Variants in WLS observed in about 807,000 individuals in gnomAD.
WLS encodes the protein Wnt ligand secretion mediator, also known as protein wntless homolog.
A neutral mutation model predicts 62.8 loss-of-function variants in WLS; 23 were observed. That is an observed-to-expected ratio of 0.37 (90% CI 0.26 to 0.52). The LOEUF is 0.52. Ranked by LOEUF, WLS falls within the 20% of genes least tolerant of loss-of-function variation. The probability of loss-of-function intolerance (pLI) is 0.92; values close to 1 mark genes in which losing one functional copy is unlikely to be tolerated. For missense variants in WLS, 615 were observed against 697.3 expected (o/e 0.88, Z 1.33); for synonymous variants, 246 against 244.1 (o/e 1.01, Z -0.07).
rs543077199 is a variant in WLS, at chr1:68,160,996, G to C, written c.380-1749C>G. 1.1e-3 allele frequency among the ~76,000 whole-genome samples: 165 copies of C among 152,294 alleles called. 6 individuals carry two copies. The South Asian group carries it at 0.033, about 31-fold the overall frequency. ...AATCTGACAAGTTACCATAAAAAGT[G>C]TTTCCTGAGACATAAGGAAATGCAA... On this transcript the variant is annotated intron_variant, in intron 2 of 11. Transcript: ENST00000262348.
Position 68,157,580 on chromosome 1 carries a change from CT to C in WLS, c.504+1542del, listed in dbSNP as rs11378232. Among the ~76,000 whole-genome samples the C allele has an allele frequency of 7.2e-3, 1,055 of 146,710 alleles. 10 individuals carry two copies. Among genetic ancestry groups the C allele is most frequent in the African/African-American group, 0.025 (1,014 of 40,154 alleles). On this transcript the variant is annotated intron_variant, in intron 3 of 11. Coordinates refer to ENST00000262348, the MANE Select transcript of WLS (RefSeq NM_024911.7). ...CAAATTACAGCAGGTGGCAACTTGA[CT>C]TTTTTTTTTTTAACTTCACAATCCA...
intron 3 of WLS, among the ~76,000 whole-genome samples, 162 bp downstream of exon 3, chr1:68,158,961 G>T (rs573901184): frequency 1.3e-5 from 2 of 152,148 alleles, no homozygotes; most frequent in Admixed American, 1.3e-4. Flanking sequence ...GTTAGGAAAG[G>T]CCCGTGGCAG....
chr1:68,167,669 G>A (rs1445386779), intron 2 of WLS, among the ~76,000 whole-genome samples: 1 of 152,140 alleles, frequency 6.6e-6, no homozygotes, highest in Non-Finnish European at 1.5e-5. Flanking sequence ...TGAAATCCAT[G>A]GTTTTCCATA....
intron 4 of WLS, among the ~76,000 whole-genome samples, chr1:68,154,440 A>G (rs1391286619): frequency 1.3e-5 from 2 of 152,256 alleles, no homozygotes; most frequent in Admixed American, 1.3e-4. Context: ...AAGTATATTT[A>G]TATTACATTC....
At chr1:68,229,195 ATTGT>A (rs1301287194) in intron 1 of WLS, among the ~76,000 whole-genome samples, 3 of 152,048 alleles carry the variant, frequency 2.0e-5, no homozygotes, top group African/African-American at 4.8e-5. Context: ...ACGGATTGTT[ATTGT>A]TTGGTGGGGT....
chr1:68,101,617 G>A (rs1023071154), intron 11 of WLS, among the ~76,000 whole-genome samples: 5 of 152,136 alleles, frequency 3.3e-5, no homozygotes, highest in African/African-American at 7.2e-5. Flanking sequence ...ATATGTCTAC[G>A]TTCACTGTCC....
chr1:68,226,221 T>A (rs1464534033), intron 1 of WLS, among the ~76,000 whole-genome samples: 1 of 152,160 alleles, frequency 6.6e-6, no homozygotes, highest in African/African-American at 2.4e-5. Flanking sequence ...AAAGTCAAGG[T>A]TTTGGGGAAA....
At chr1:68,144,164 C>T (rs1570882949) in intron 10 of WLS, among the ~76,000 whole-genome samples, 1 of 152,156 alleles carries the variant, frequency 6.6e-6, no homozygotes, top group South Asian at 2.1e-4. Flanking sequence ...TTTTGAATTA[C>T]ATTTCATATT....
chr1:68,210,645 C>G (rs1407660113), intron 1 of WLS, among the ~76,000 whole-genome samples: 4 of 152,120 alleles, frequency 2.6e-5, no homozygotes, highest in African/African-American at 9.7e-5. Context: ...GGCCCCCTCC[C>G]CAAGCAAAAT....
At chr1:68,126,667 T>A (rs900338717) in intron 11 of WLS, among the ~76,000 whole-genome samples, 3 of 151,862 alleles carry the variant, frequency 2.0e-5, no homozygotes, top group African/African-American at 7.2e-5. Flanking sequence ...GTAAGTGATC[T>A]TCTTTAATCC....
In WLS at chr1:68,148,655, C is replaced by T; in HGVS notation, c.978G>A (p.Gln326=). Residue 326 remains glutamine (Q), a synonymous_variant, in exon 7 of 12, where the codon CAG becomes CAA. Transcript: ENST00000262348. ...ACCCTGCGATGTGGTTCCGCTCGTG[C>T]TGATCCTGAGGAAAACCAAATTGAG... ...IIFCGEHMMD[Q]HERNHIAGYW... is the part of the protein sequence containing the mutation. 1.2e-6 allele frequency: 2 copies of T among 1,613,610 alleles called. No homozygotes were observed. The highest frequency in any genetic ancestry group is 4.5e-5 in the East Asian group (2 of 44,876).
At chr1:68,141,099 A>G (rs908663848) in intron 10 of WLS, among the ~76,000 whole-genome samples, 3 of 152,054 alleles carry the variant, frequency 2.0e-5, no homozygotes, top group Non-Finnish European at 2.9e-5. Flanking sequence ...AAACCACCCA[A>G]TTATACCCCT....
At chr1:68,200,408 G>A (rs1648939597) in intron 1 of WLS, among the ~76,000 whole-genome samples, 1 of 137,852 alleles carries the variant, frequency 7.3e-6, no homozygotes, top group African/African-American at 2.7e-5. Flanking sequence ...ACATTTTGGG[G>A]TACTAGAACT....
intron 2 of WLS, among the ~76,000 whole-genome samples, chr1:68,177,529 ATTTAT>A (rs1177717780): frequency 6.6e-6 from 1 of 151,964 alleles, no homozygotes; most frequent in African/African-American, 2.4e-5. Context: ...ACTCACTCTT[ATTTAT>A]TTATTTAGAG....
chr1:68,198,551 TC>T lies in WLS; in HGVS notation c.107-4325del, dbSNP rs546491069. Among the ~76,000 whole-genome samples the T allele has an allele frequency of 7.4e-4, 113 of 152,222 alleles. 3 individuals carry two copies. In the South Asian group the frequency reaches 0.022, roughly 29 times the overall value. ...TGAAGTCTCTATGAAAATTCAGTGG[TC>T]CCTCAGTTACACACATTACTATGGC... On this transcript the variant is annotated intron_variant, in intron 1 of 11. Transcript: ENST00000262348.
chr1:68,174,521 G>A (rs762890876), intron 2 of WLS, among the ~76,000 whole-genome samples: 9 of 152,132 alleles, frequency 5.9e-5, no homozygotes, highest in Non-Finnish European at 1.2e-4. Flanking sequence ...TGAAGCATAT[G>A]TGTGTGTGAG....
chr1:68,142,538 G>A lies in WLS; in HGVS notation c.1362+2031C>T, dbSNP rs116293687. 213 of 152,312 alleles carry A rather than the reference G, an allele frequency of 1.4e-3. 2 individuals carry two copies. Among genetic ancestry groups the A allele is most frequent in the African/African-American group, 4.8e-3 (201 of 41,562 alleles). 9.4% of individuals were successfully genotyped at this position (152,312 alleles called of 1,614,324 possible). Reference sequence around the variant, plus strand: ...CCTCAGACACTCTTGTTTGAATATGGATGTTTGAGCCTTAGCTGGTAGAAT... The same window carrying A: ...CCTCAGACACTCTTGTTTGAATATGAATGTTTGAGCCTTAGCTGGTAGAAT... On this transcript the variant is annotated intron_variant, in intron 10 of 11. Coordinates refer to ENST00000262348, the MANE Select transcript of WLS (RefSeq NM_024911.7).
At chr1:68,117,147 C>T (rs1646303244) in intron 11 of WLS, among the ~76,000 whole-genome samples, 1 of 152,160 alleles carries the variant, frequency 6.6e-6, no homozygotes. Flanking sequence ...CCTGCCCCCA[C>T]ACTCACTCCT....
At chr1:68,117,442 T>C (rs1646307067) in intron 11 of WLS, 1 of 152,328 alleles carries the variant, frequency 6.6e-6, no homozygotes, top group African/African-American at 2.4e-5. Flanking sequence ...TGTTCTCTTT[T>C]GCCAACAGGA....
Sources: gnomAD v4.1 joint callset for allele counts (sites outside exome capture counted in the v4.1 genomes callset) on GRCh38, gnomAD v4.1.1 for gene constraint, MANE v1.5 for transcripts, NCBI Gene and HGNC (gene_info 2026-07-23, HGNC 2026-07-21) for gene names.